Variants in PABIR3 observed in about 807,000 individuals in gnomAD.
The protein encoded by PABIR3 is PABIR family member 3.
In PABIR3, 20 loss-of-function variants were observed where a neutral mutation model predicts 23.1. The ratio of observed to expected loss-of-function variants is 0.86; its 90% CI spans 0.61 to 1.26. The LOEUF (loss-of-function observed/expected upper bound fraction) is 1.26. Among genes scored for constraint, PABIR3 ranks in the 50% most tolerant of loss-of-function variants. The probability of loss-of-function intolerance (pLI) is 0.00; values close to 1 mark genes in which losing one functional copy is unlikely to be tolerated. For missense variants in PABIR3, 189 were observed against 195.4 expected (o/e 0.97, Z 0.20); for synonymous variants, 69 against 68.5 (o/e 1.01, Z -0.04).
chrX:134,826,085 A>T lies in PABIR3; in HGVS notation c.190-3141A>T, dbSNP rs148135719. 3.2e-3 allele frequency among the ~76,000 whole-genome samples: 354 copies of T among 110,958 alleles called. 4 individuals carry two copies. The highest frequency in any genetic ancestry group is 9.7e-3 in the African/African-American group (296 of 30,558). On this transcript the variant is annotated intron_variant, in intron 3 of 10. Coordinates refer to ENST00000645433, the MANE Select transcript of PABIR3 (RefSeq NM_001388447.1). ...TTAAATAGATGGTGCTATTAGGTGT[A>T]ACCTGCTCTTCTCCTATGTATAACA... is the stretch of plus-strand genomic sequence containing the variant.
At chrX:134,864,272 G>T in the PABIR3 span, among the ~76,000 whole-genome samples, 1 of 110,805 alleles carries the variant, frequency 9.0e-6, no homozygotes, top group African/African-American at 3.3e-5. Context: ...TGATCCTCCT[G>T]CCTTACCCTC....
intron 3 of PABIR3, among the ~76,000 whole-genome samples, chrX:134,826,216 G>GGT: frequency 9.0e-6 from 1 of 111,001 alleles, no homozygotes; most frequent in Non-Finnish European, 1.9e-5. Context: ...CCACGAACTT[G>GGT]GTGTGCCACT....
At chrX:134,806,527 A>G (rs1267655009), upstream of PABIR3, among the ~76,000 whole-genome samples, 1 of 109,527 alleles carries the variant, frequency 9.1e-6, no homozygotes, top group Non-Finnish European at 1.9e-5. Context: ...GAGGCAGGAG[A>G]ATCGCTTGAA....
chrX:134,814,842 G>C lies in PABIR3; in HGVS notation c.182G>C (p.Arg61Pro). ...RTNRTTFRNR[R>P]SLLLPPPPFH... is the part of the protein sequence containing the mutation. The stretch of plus-strand genomic sequence containing the variant: ...AACAGAACAACATTTAGGAATCGAC[G>C]CTCTCTGGTAAGGAAATGCTTATAG... Residue 61 changes from arginine (R) to proline (P), a missense_variant, in exon 3 of 11, where the codon CGC (arginine) becomes CCC (proline). Transcript: ENST00000645433. 4 of 1,190,620 alleles carry C rather than the reference G, an allele frequency of 3.4e-6. No homozygotes were observed. The highest frequency in any genetic ancestry group is 4.5e-6 in the Non-Finnish European group (4 of 881,812).
At chrX:134,860,322 C>T in the PABIR3 span, among the ~76,000 whole-genome samples, 1 of 111,918 alleles carries the variant, frequency 8.9e-6, no homozygotes, top group African/African-American at 3.2e-5. Flanking sequence ...CTCCTGGCCT[C>T]AAGTGATCTG....
At chrX:134,807,459 C>A in intron 1 of PABIR3, 81 bp from the exon 2 acceptor site, 7 of 1,110,906 alleles carry the variant, frequency 6.3e-6, no homozygotes, top group South Asian at 4.9e-5. Flanking sequence ...AAGGTGGGCA[C>A]CCCTACTCGC....
chrX:134,850,538 A>G (rs1157577564), intron 9 of PABIR3, among the ~76,000 whole-genome samples: 2 of 111,917 alleles, frequency 1.8e-5, no homozygotes, highest in Non-Finnish European at 3.8e-5. Context: ...ATTCAAATAT[A>G]TCAGCAGTTT....
At chrX:134,843,036 C>T (rs2082291469) in intron 4 of PABIR3, among the ~76,000 whole-genome samples, 1 of 109,542 alleles carries the variant, frequency 9.1e-6, no homozygotes, top group Admixed American at 9.8e-5. Context: ...CCCATCTCTA[C>T]TAAAAATACA....
At chrX:134,847,185 C>T (rs1029443634) in intron 6 of PABIR3, among the ~76,000 whole-genome samples, 198 bp from the exon 7 acceptor site, 1 of 111,967 alleles carries the variant, frequency 8.9e-6, no homozygotes, top group African/African-American at 3.2e-5. Context: ...GCCCTCATCC[C>T]CAAAAGGGAA....
downstream of PABIR3, among the ~76,000 whole-genome samples, chrX:134,855,160 C>T (rs191612522): frequency 0.014 from 1,537 of 109,501 alleles, 31 homozygotes; most frequent in African/African-American, 0.048. Context: ...TTAGGCTGGG[C>T]GTGGTGGCTC....
At chrX:134,796,498 T>A, upstream of PABIR3, 3 of 214,031 alleles carry the variant, frequency 1.4e-5, no homozygotes, top group Non-Finnish European at 2.5e-5. Context: ...GAAAGAAGGA[T>A]GGAGGGAAAA....
At chrX:134,849,412 A>G (rs758605512) in intron 9 of PABIR3, among the ~76,000 whole-genome samples, 184 bp downstream of exon 9, 19 of 112,320 alleles carry the variant, frequency 1.7e-4, no homozygotes, top group African/African-American at 5.1e-4. Flanking sequence ...TGAAAACTCT[A>G]AAATGCTATA....
intron 4 of PABIR3, chrX:134,831,571 A>G (rs1286832655): frequency 9.0e-6 from 1 of 111,502 alleles, no homozygotes; most frequent in Admixed American, 9.6e-5. Context: ...TTGAGGATGA[A>G]AAGAATTACA....
upstream of PABIR3, chrX:134,804,161 T>C: frequency 9.0e-7 from 1 of 1,107,579 alleles, no homozygotes; most frequent in East Asian, 3.3e-5. Flanking sequence ...AGCCTAATTG[T>C]CAAGTCTAGA....
Position 134,821,330 on chromosome X carries a change from A to G in PABIR3, c.189+6481A>G, listed in dbSNP as rs1434198651. 6 of 1,147,114 alleles carry G rather than the reference A, an allele frequency of 5.2e-6. No homozygotes were observed. The East Asian group carries it at 1.6e-4, about 31-fold the overall frequency. 94.5% of individuals were successfully genotyped at this position (1,147,114 alleles called of 1,213,427 possible). A position where few individuals can be genotyped will look rare whatever the true frequency, so the allele number is the denominator to read the frequency against. ...ATATTTTCTTCACTTCTCTCAGGAAATTACTTCACCCACTTCTGTTGAACA... is the reference window on the plus strand; with the variant it reads ...ATATTTTCTTCACTTCTCTCAGGAAGTTACTTCACCCACTTCTGTTGAACA... On this transcript the variant is annotated intron_variant, in intron 3 of 10. Coordinates refer to ENST00000645433, the MANE Select transcript of PABIR3 (RefSeq NM_001388447.1).
chrX:134,840,436 G>A (rs1324298971), intron 4 of PABIR3, among the ~76,000 whole-genome samples: 1 of 110,884 alleles, frequency 9.0e-6, no homozygotes, highest in Non-Finnish European at 1.9e-5. Context: ...TGTCACAATG[G>A]CTTCCCATTA....
chrX:134,857,446 A>T (rs2082755958), downstream of PABIR3, among the ~76,000 whole-genome samples: 1 of 111,657 alleles, frequency 9.0e-6, no homozygotes, highest in African/African-American at 3.3e-5. Flanking sequence ...TAATTCGATT[A>T]TATCTGCAAA....
chrX:134,852,408 G>A (rs1478920595), intron 9 of PABIR3, among the ~76,000 whole-genome samples: 1 of 111,065 alleles, frequency 9.0e-6, no homozygotes, highest in Non-Finnish European at 1.9e-5. Context: ...CTGGGAGGTG[G>A]AGGTTGAAGT....
intron 3 of PABIR3, among the ~76,000 whole-genome samples, chrX:134,828,041 C>A (rs866756759): frequency 0.034 from 2,423 of 70,759 alleles, 53 homozygotes; most frequent in Non-Finnish European, 0.044. Context: ...CTCTCTCTCT[C>A]TCTCTCTATA....
Sources: gnomAD v4.1 joint callset for allele counts (sites outside exome capture counted in the v4.1 genomes callset) on GRCh38, gnomAD v4.1.1 for gene constraint, MANE v1.5 for transcripts, NCBI Gene and HGNC (gene_info 2026-07-23, HGNC 2026-07-21) for gene names.